KDM7A: variants seen among roughly 807,000 people sequenced by gnomAD.
KDM7A encodes the protein lysine-specific demethylase 7A.
A neutral mutation model predicts 114.8 loss-of-function variants in KDM7A; 28 were observed. That is an observed-to-expected ratio of 0.24 (90% confidence interval 0.18 to 0.33). The LOEUF is 0.33. Among genes scored for constraint, KDM7A ranks in the 10% least tolerant of loss-of-function variants. KDM7A has a pLI of 1.00. For synonymous variants in KDM7A, 423 were observed against 397.8 expected (o/e 1.06, Z -0.75); for missense variants, 942 against 1,142.5 (o/e 0.82, Z 2.53).
chr7:140,171,196 C>T (rs1794634647), intron 1 of KDM7A, among the ~76,000 whole-genome samples: 1 of 151,904 alleles, frequency 6.6e-6, no homozygotes, highest in South Asian at 2.1e-4. Context: ...GGCGTGGTGG[C>T]TCATACCTAT....
chr7:140,115,759 C>T (rs1010841961), intron 9 of KDM7A, among the ~76,000 whole-genome samples: 1 of 150,246 alleles, frequency 6.7e-6, no homozygotes, highest in Non-Finnish European at 1.5e-5. Context: ...TGCCAAATCC[C>T]CCTCTGTGAG....
At chr7:140,131,856 G>C (rs1818792253) in intron 3 of KDM7A, among the ~76,000 whole-genome samples, 1 of 152,114 alleles carries the variant, frequency 6.6e-6, no homozygotes. Flanking sequence ...CATATATGGG[G>C]ACGGTTAAGC....
intron 1 of KDM7A, among the ~76,000 whole-genome samples, chr7:140,163,673 A>G (rs1794544378): frequency 6.6e-6 from 1 of 151,896 alleles, no homozygotes; most frequent in Admixed American, 6.6e-5. Context: ...ACCTTTCTAT[A>G]TATTTGTCTT....
intron 17 of KDM7A, among the ~76,000 whole-genome samples, chr7:140,095,434 G>GAC (rs1818090452): frequency 6.6e-6 from 1 of 152,176 alleles, no homozygotes; most frequent in African/African-American, 2.4e-5. Context: ...AATAAGCAAA[G>GAC]ACTTTGAGAT....
intron 1 of KDM7A, among the ~76,000 whole-genome samples, chr7:140,140,950 T>C (rs1794265490): frequency 6.6e-6 from 1 of 151,960 alleles, no homozygotes; most frequent in African/African-American, 2.4e-5. Context: ...AGAGAAATCA[T>C]AAGAATCAAG....
intron 4 of KDM7A, among the ~76,000 whole-genome samples, chr7:140,129,179 A>G (rs531704434): frequency 5.9e-5 from 9 of 152,256 alleles, no homozygotes; most frequent in East Asian, 1.9e-4. Context: ...CAACTTTCCA[A>G]TATCTTCTTC....
chr7:140,133,686 A>G, intron 2 of KDM7A, 30 bp from the exon 3 acceptor site: 1 of 1,297,714 alleles, frequency 7.7e-7, no homozygotes, highest in Non-Finnish European at 1.1e-6. Context: ...AAAAAAAATG[A>G]TTTTGGTAAC....
intron 11 of KDM7A, among the ~76,000 whole-genome samples, chr7:140,107,332 T>A (rs183384264): frequency 6.6e-6 from 1 of 152,346 alleles, no homozygotes; most frequent in East Asian, 1.9e-4. Flanking sequence ...AGCTGCTTAT[T>A]TTGCTTGTTA....
Position 140,090,839 on chromosome 7 carries a change from A to T in KDM7A, c.*255T>A, listed in dbSNP as rs939449630. ...ACAACAAAATAAAATTCAAGCCCTG[A>T]CAAGAGACCCTTTCCAGTTCAAGGT... On this transcript the variant is annotated 3_prime_UTR_variant, in exon 20 of 20. Coordinates refer to ENST00000397560, the MANE Select transcript of KDM7A (RefSeq NM_030647.2). 17 of 427,536 alleles carry T rather than the reference A, an allele frequency of 4.0e-5. No individual in the cohort carries two copies. Among genetic ancestry groups the T allele is most frequent in the Non-Finnish European group, 7.1e-5 (17 of 240,302 alleles). The allele number at this position is 427,536 out of a possible 1,614,324, so 26.5% of individuals were successfully genotyped here.
chr7:140,100,653 TAA>T (rs1238920286), intron 12 of KDM7A, among the ~76,000 whole-genome samples: 7 of 116,814 alleles, frequency 6.0e-5, no homozygotes, highest in Admixed American at 1.8e-4. Context: ...TAAAATATTT[TAA>T]AAAGTTATAT....
intron 10 of KDM7A, among the ~76,000 whole-genome samples, chr7:140,111,711 C>T (rs777591956): frequency 3.3e-5 from 5 of 152,204 alleles, no homozygotes; most frequent in Non-Finnish European, 5.9e-5. Flanking sequence ...GTAATCCCAA[C>T]ACTTTGGGAG....
At position 140,098,782 on chromosome 7, in the gene KDM7A, T is replaced by A. The variant is rs1216360993; in HGVS notation, c.1918+97A>T. Reference sequence around the variant, plus strand: ...TTTTAGGGACACAAAAGTTTTCTGCTATTTTAAACTTAAGAACTTCAAAAT... The same window carrying A: ...TTTTAGGGACACAAAAGTTTTCTGCAATTTTAAACTTAAGAACTTCAAAAT... On this transcript the variant is annotated intron_variant, in intron 14 of 19. Transcript: ENST00000397560. 5 of 1,070,620 alleles carry A rather than the reference T, an allele frequency of 4.7e-6. No individual in the cohort carries two copies. The African/African-American group carries it at 6.5e-5, about 14-fold the overall frequency. 66.3% of individuals were successfully genotyped at this position (1,070,620 alleles called of 1,614,324 possible).
In KDM7A at chr7:140,102,158, C is replaced by T. The variant is rs1255270211; in HGVS notation, c.1431G>A (p.Glu477=). 1 of 1,608,450 alleles carries T rather than the reference C, an allele frequency of 6.2e-7. No individual in the cohort carries two copies. Among genetic ancestry groups the T allele is most frequent in the South Asian group, 1.1e-5 (1 of 90,936 alleles). Reference sequence around the variant, plus strand: ...GAGATTTAACTGGTTTGCCGTTTTCCTCCTTTAAGAATTAAAATCAGAGTA... The same window carrying T: ...GAGATTTAACTGGTTTGCCGTTTTCTTCCTTTAAGAATTAAAATCAGAGTA... The part of the protein sequence containing the change: ...ELSKVIRAIE[E]ENGKPVKSQG... Residue 477 remains glutamate (E), a splice_region_variant and synonymous_variant, in exon 12 of 20, where the codon GAG becomes GAA. Transcript: ENST00000397560.
At chr7:140,092,829 A>G (rs545107336) in intron 18 of KDM7A, among the ~76,000 whole-genome samples, 1 of 152,378 alleles carries the variant, frequency 6.6e-6, no homozygotes, top group Non-Finnish European at 1.5e-5. Flanking sequence ...AGCTCAAATT[A>G]CATAATGAAT....
intron 11 of KDM7A, among the ~76,000 whole-genome samples, chr7:140,109,771 A>G (rs1818402495): frequency 6.6e-6 from 1 of 152,274 alleles, no homozygotes; most frequent in East Asian, 1.9e-4. Context: ...CTTTCCTTCA[A>G]TATTCAGTAA....
At chr7:140,115,049 T>A (rs7810267) in intron 9 of KDM7A, among the ~76,000 whole-genome samples, 1 of 150,548 alleles carries the variant, frequency 6.6e-6, no homozygotes, top group Non-Finnish European at 1.5e-5. Flanking sequence ...GGGCAGCCCC[T>A]GCTCGGCCAG....
intron 19 of KDM7A, 137 bp downstream of exon 19, chr7:140,091,667 T>C: frequency 1.1e-6 from 1 of 935,780 alleles, no homozygotes; most frequent in Non-Finnish European, 1.7e-6. Flanking sequence ...TAGTAGCCTG[T>C]GTATACTGCC....
intron 1 of KDM7A, among the ~76,000 whole-genome samples, chr7:140,165,880 T>C (rs528826060): frequency 2.0e-5 from 3 of 152,194 alleles, no homozygotes; most frequent in Non-Finnish European, 4.4e-5. Context: ...CTAAGCTCTA[T>C]GGTAAGAACA....
At chr7:140,151,437 T>C (rs940555494) in intron 1 of KDM7A, among the ~76,000 whole-genome samples, 1 of 152,166 alleles carries the variant, frequency 6.6e-6, no homozygotes, top group Admixed American at 6.5e-5. Context: ...CAGGGAGACA[T>C]TCGCTTGGGC....
Sources: gnomAD v4.1 joint callset for allele counts (sites outside exome capture counted in the v4.1 genomes callset) on GRCh38, gnomAD v4.1.1 for gene constraint, MANE v1.5 for transcripts, NCBI Gene and HGNC (gene_info 2026-07-23, HGNC 2026-07-21) for gene names.